Variants in SVEP1 observed in about 807,000 individuals in gnomAD.
The protein encoded by SVEP1 is sushi, von Willebrand factor type A, EGF and pentraxin domain-containing protein 1.
Under a neutral mutation model 367.3 loss-of-function variants are expected in SVEP1, and 164 were observed. The observed-to-expected ratio is 0.45, with a 90% CI of 0.39 to 0.51. SVEP1 has a LOEUF of 0.51. Among genes scored for constraint, SVEP1 ranks in the 20% least tolerant of loss-of-function variants. The pLI, the probability that SVEP1 is intolerant of heterozygous loss-of-function variation, is 0.00. For synonymous variants in SVEP1, 1,666 were observed against 1,611.6 expected (o/e 1.03, Z -0.81); for missense variants, 4,117 against 4,425.3 (o/e 0.93, Z 1.98).
chr9:110,483,258 G>A (rs73655377), intron 10 of SVEP1, among the ~76,000 whole-genome samples: 4,288 of 152,242 alleles, frequency 0.028, 194 homozygotes, highest in African/African-American at 0.098. Context: ...GTGCAGTAGA[G>A]ATGCCGATAA....
chr9:110,375,203 T>C (rs75531854), intron 46 of SVEP1, among the ~76,000 whole-genome samples, 165 bp downstream of exon 46: 2,298 of 152,022 alleles, frequency 0.015, 55 homozygotes, highest in African/African-American at 0.052. Flanking sequence ...AACCATAAAA[T>C]TCAGTGTTGA....
At position 110,388,163 on chromosome 9, in the gene SVEP1, G is replaced by C. The variant is rs369420809; in HGVS notation, c.9887-705C>G. On this transcript the variant is annotated intron_variant, in intron 41 of 47. Transcript: ENST00000374469. ...GTAAAAGACAATAAGAAAGTATAAAGAACAGGGACCCAAGAGCTTGTGGGG... is the reference window on the plus strand; with the variant it reads ...GTAAAAGACAATAAGAAAGTATAAACAACAGGGACCCAAGAGCTTGTGGGG... Among the ~76,000 whole-genome samples, 31 of 152,198 alleles carry C rather than the reference G, an allele frequency of 2.0e-4. No homozygotes were observed. In the East Asian group the frequency reaches 2.9e-3, roughly 14 times the overall value.
intron 46 of SVEP1, among the ~76,000 whole-genome samples, chr9:110,371,790 A>G (rs1434271203): frequency 2.6e-5 from 4 of 152,184 alleles, no homozygotes; most frequent in South Asian, 2.1e-4. Flanking sequence ...CTGTCTCTCA[A>G]ATCTGCTCTT....
At chr9:110,466,137 G>T in intron 17 of SVEP1, 111 bp from the exon 18 acceptor site, 5 of 1,118,464 alleles carry the variant, frequency 4.5e-6, no homozygotes, top group Non-Finnish European at 4.9e-6. Flanking sequence ...AGGACAGAAT[G>T]AGGGACCCAG....
chr9:110,408,838 T>C lies in SVEP1; in HGVS notation c.6762A>G (p.Glu2254=). 1.9e-6 allele frequency: 3 copies of C among 1,613,508 alleles called. No individual in the cohort carries two copies. Among genetic ancestry groups the C allele is most frequent in the Non-Finnish European group, 2.5e-6 (3 of 1,179,862 alleles). The change falls in exon 38 of 48, where the codon GAA becomes GAG. Residue 2254 remains glutamate, a synonymous_variant. Transcript: ENST00000374469. ...VCQANRHWHS[E]SPLMCVPLDC... ...CGAGAGGAACACACATCAGAGGGGA[T>C]TCACTGTGCCAGTGGCGATTGGCTT...
At chr9:110,523,019 T>C (rs1372924284) in intron 3 of SVEP1, among the ~76,000 whole-genome samples, 1 of 152,210 alleles carries the variant, frequency 6.6e-6, no homozygotes, top group African/African-American at 2.4e-5. Context: ...GCTTTTATCA[T>C]GCCACTTTTC....
intron 16 of SVEP1, among the ~76,000 whole-genome samples, chr9:110,470,311 A>G: frequency 6.6e-6 from 1 of 152,154 alleles, no homozygotes; most frequent in East Asian, 1.9e-4. Context: ...ACTTCATGCC[A>G]TTGAATTATA....
At chr9:110,441,747 G>A (rs1178249928) in intron 27 of SVEP1, among the ~76,000 whole-genome samples, 2 of 152,130 alleles carry the variant, frequency 1.3e-5, no homozygotes, top group Admixed American at 6.5e-5. Context: ...CCCTGCACTG[G>A]GGAGTCCTTT....
chr9:110,550,331 C>T (rs1564174087), intron 1 of SVEP1, among the ~76,000 whole-genome samples: 1 of 152,178 alleles, frequency 6.6e-6, no homozygotes, highest in Non-Finnish European at 1.5e-5. Flanking sequence ...TCATCCTCAT[C>T]AACATTGCTG....
chr9:110,436,842 C>T (rs1258817069), intron 27 of SVEP1, among the ~76,000 whole-genome samples: 1 of 152,182 alleles, frequency 6.6e-6, no homozygotes, highest in African/African-American at 2.4e-5. Context: ...ATGGAAGTGA[C>T]TGCTCTTTAT....
At chr9:110,559,388 A>T (rs964550323) in intron 1 of SVEP1, among the ~76,000 whole-genome samples, 12 of 152,122 alleles carry the variant, frequency 7.9e-5, no homozygotes, top group Admixed American at 5.2e-4. Context: ...GAGAAAAAAT[A>T]ACAGAAATAC....
chr9:110,540,119 GTTATTA>G (rs974782121), intron 3 of SVEP1, among the ~76,000 whole-genome samples: 1 of 150,334 alleles, frequency 6.7e-6, no homozygotes, highest in Non-Finnish European at 1.5e-5. Flanking sequence ...AGCTACTATT[GTTATTA>G]TTATCAGTTA....
At chr9:110,502,566 T>A (rs952750979) in intron 6 of SVEP1, among the ~76,000 whole-genome samples, 2 of 152,186 alleles carry the variant, frequency 1.3e-5, no homozygotes, top group Non-Finnish European at 2.9e-5. Flanking sequence ...CAATTTGCCT[T>A]GCAGTTGTTT....
chr9:110,513,995 T>A lies in SVEP1; in HGVS notation c.1076A>T (p.Asp359Val), dbSNP rs1829761288. 6.2e-7 allele frequency: 1 copy of A among 1,613,052 alleles called. No homozygotes were observed. The highest frequency in any genetic ancestry group is 1.3e-5 in the African/African-American group (1 of 74,898). ...TSPPGSTSPE[D>V]CVCREGYRAS... is the part of the protein sequence containing the mutation. The stretch of plus-strand genomic sequence containing the variant: ...CCTGTATCCCTCTCTGCAGACACAG[T>A]CTTCAGGGGATGTGCTTCCAGGTGG... Residue 359 changes from aspartate (D) to valine (V), a missense_variant, in exon 4 of 48, where the codon GAC (aspartate) becomes GTC (valine). Asp to Val is a radical substitution (Grantham distance 152, BLOSUM62 -3). Around this residue, in one of 4 missense-constraint regions of SVEP1, gnomAD observed 2,174 missense variants for 2,494.3 expected, o/e 0.87. Coordinates refer to ENST00000374469, the MANE Select transcript of SVEP1 (RefSeq NM_153366.4).
chr9:110,408,254 C>T lies in SVEP1; in HGVS notation c.7346G>A (p.Gly2449Glu), dbSNP rs1251001344. The change falls in exon 38 of 48, where the codon GGA (glycine) becomes GAA (glutamate). Residue 2449 changes from glycine (G) to glutamate (E), a missense_variant. By Grantham distance (98) the Gly-to-Glu change is moderately conservative. Transcript: ENST00000374469. ...ECPQPEEIPNGIIDVQGLAYL... is the reference protein window; with the variant it reads ...ECPQPEEIPNEIIDVQGLAYL... ...GGCAAGGCCTTGCACATCAATGATT[C>T]CATTGGGGATTTCCTCAGGTTGGGG... 1 of 1,613,826 alleles carries T rather than the reference C, an allele frequency of 6.2e-7. No individual in the cohort carries two copies. Among genetic ancestry groups the T allele is most frequent in the Non-Finnish European group, 8.5e-7 (1 of 1,179,872 alleles).
intron 37 of SVEP1, among the ~76,000 whole-genome samples, chr9:110,409,295 G>A (rs1296023227): frequency 6.6e-6 from 1 of 152,110 alleles, no homozygotes; most frequent in Non-Finnish European, 1.5e-5. Flanking sequence ...GGTGGTATGT[G>A]CCTGTAATCT....
At position 110,411,076 on chromosome 9, in the gene SVEP1, T is replaced by C. The variant is rs1588040689; in HGVS notation, c.6635A>G (p.Asn2212Ser). The change falls in exon 37 of 48, where the codon AAT (asparagine) becomes AGT (serine). Residue 2212 changes from asparagine (N) to serine (S), a missense_variant. This residue lies in a region of SVEP1 where 1,765 missense variants were observed against 1,781.1 expected (regional missense o/e 0.99). Transcript: ENST00000374469. The part of the protein sequence containing the change: ...VSCGEPPKVE[N>S]GFLEHTTGRI... ...TTGGTCTCTTACCTCCAGAAAGCCA[T>C]TCTCAACCTTAGGTGGTTCACCACA... is the stretch of plus-strand genomic sequence containing the variant. 1.3e-6 allele frequency: 2 copies of C among 1,573,150 alleles called. No homozygotes were observed. The highest frequency in any genetic ancestry group is 8.6e-7 in the Non-Finnish European group (1 of 1,156,734).
In SVEP1 at chr9:110,414,491, T is replaced by A. The variant is rs149936929; in HGVS notation, c.5976-2756A>T. Among the ~76,000 whole-genome samples, 1,189 of 152,132 alleles carry A rather than the reference T, an allele frequency of 7.8e-3. 34 individuals carry two copies. Among genetic ancestry groups the A allele is most frequent in the African/African-American group, 0.027 (1,134 of 41,392 alleles). Reference sequence around the variant, plus strand: ...GTTGCTTTAGATAGGCTCAGTTCTTTGTATGAAGATCTGAACTTAGCTTGG... The same window carrying A: ...GTTGCTTTAGATAGGCTCAGTTCTTAGTATGAAGATCTGAACTTAGCTTGG... On this transcript the variant is annotated intron_variant, in intron 36 of 47. Transcript: ENST00000374469.
At chr9:110,504,640 T>C (rs986838097) in intron 5 of SVEP1, among the ~76,000 whole-genome samples, 1 of 152,230 alleles carries the variant, frequency 6.6e-6, no homozygotes, top group Non-Finnish European at 1.5e-5. Flanking sequence ...CTTAATTGGC[T>C]TAACACATTG....
Sources: gnomAD v4.1 joint callset for allele counts (sites outside exome capture counted in the v4.1 genomes callset) on GRCh38, gnomAD v4.1.1 for gene constraint, gnomAD v4.1.1 regional missense constraint, MANE v1.5 for transcripts, NCBI Gene and HGNC (gene_info 2026-07-23, HGNC 2026-07-21) for gene names.